The following KCNQ5 variants were observed in gnomAD, a reference collection of about 807,000 sequenced individuals.
KCNQ5 encodes the protein potassium voltage-gated channel subfamily KQT member 5.
KCNQ5 carries 30 observed loss-of-function variants against 98.2 expected under a neutral mutation model. That is an observed-to-expected ratio of 0.31 (90% CI 0.23 to 0.41). The LOEUF (loss-of-function observed/expected upper bound fraction) is 0.41, where lower values mean the gene tolerates loss of function less well. KCNQ5 is among the 10% of genes least tolerant of loss of function. KCNQ5 has a pLI of 1.00. For synonymous variants in KCNQ5, 458 were observed against 449.4 expected, an observed-to-expected ratio of 1.02 and a Z score of -0.24; for missense variants, 835 against 1,182.5, an observed-to-expected ratio of 0.71 and a Z score of 4.31.
intron 2 of KCNQ5, among the ~76,000 whole-genome samples, chr6:73,030,865 A>G (rs1771114143): frequency 1.3e-5 from 2 of 152,278 alleles, no homozygotes; most frequent in South Asian, 4.1e-4. Context: ...TTCACATTCT[A>G]CCAACAAGCA....
At chr6:72,801,746 G>A (rs1366946431) in intron 1 of KCNQ5, among the ~76,000 whole-genome samples, 3 of 151,934 alleles carry the variant, frequency 2.0e-5, no homozygotes, top group Non-Finnish European at 4.4e-5. Flanking sequence ...ATTTGGCATG[G>A]TTTTGCAGTG....
Position 73,077,863 on chromosome 6 carries a change from T to C in KCNQ5, c.894T>C (p.Tyr298=), listed in dbSNP as rs753208275. The change falls in exon 5 of 14, where the codon TAT becomes TAC. Residue 298 remains tyrosine (Y), a synonymous_variant. Coordinates refer to ENST00000370398, the MANE Select transcript of KCNQ5 (RefSeq NM_019842.4). ...EKDANKEFST[Y]ADALWWGTIT... ...ATGCCAATAAAGAGTTTTCTACATATGCAGATGCTCTCTGGTGGGGCACAG... is the reference window on the plus strand; with the variant it reads ...ATGCCAATAAAGAGTTTTCTACATACGCAGATGCTCTCTGGTGGGGCACAG... The C allele has an allele frequency of 1.9e-5, 31 of 1,611,450 alleles. No individual in the cohort carries two copies. In the East Asian group the frequency reaches 2.9e-4, roughly 15 times the overall value.
chr6:72,897,174 C>A (rs577482168), intron 1 of KCNQ5, among the ~76,000 whole-genome samples: 2 of 151,808 alleles, frequency 1.3e-5, no homozygotes, highest in African/African-American at 4.8e-5. Flanking sequence ...CTTTGGGGCC[C>A]AGGATAATGG....
At chr6:72,898,891 T>C (rs1779364346) in intron 1 of KCNQ5, among the ~76,000 whole-genome samples, 1 of 152,200 alleles carries the variant, frequency 6.6e-6, no homozygotes, top group African/African-American at 2.4e-5. Flanking sequence ...AGATGGTATC[T>C]CATGTGGTTG....
At chr6:72,825,511 C>T (rs1005610346) in intron 1 of KCNQ5, among the ~76,000 whole-genome samples, 4 of 152,180 alleles carry the variant, frequency 2.6e-5, no homozygotes, top group African/African-American at 9.6e-5. Context: ...GGAACAGGAA[C>T]AGTTAGCTGG....
At chr6:72,840,704 C>T (rs1012408103) in intron 1 of KCNQ5, among the ~76,000 whole-genome samples, 3 of 152,178 alleles carry the variant, frequency 2.0e-5, no homozygotes, top group Non-Finnish European at 2.9e-5. Context: ...CAAATGGAAA[C>T]TCCTATACTG....
chr6:72,655,833 T>C (rs1766164160), intron 1 of KCNQ5, among the ~76,000 whole-genome samples: 1 of 152,148 alleles, frequency 6.6e-6, no homozygotes, highest in Admixed American at 6.6e-5. Context: ...TAGTATATTC[T>C]GGAATGAAGA....
chr6:72,779,821 C>CTGTGTGTGTGTGTGTG (rs35526812), intron 1 of KCNQ5, among the ~76,000 whole-genome samples: 2 of 124,834 alleles, frequency 1.6e-5, no homozygotes, highest in East Asian at 2.6e-4. Flanking sequence ...ATTTAATTTT[C>CTGTGTGTGTGTGTGTG]TGTGTGTGTG....
Position 73,195,250 on chromosome 6 carries a change from G to A in KCNQ5, c.2635G>A (p.Glu879Lys), listed in dbSNP as rs764121324. Residue 879 changes from glutamate to lysine, a missense_variant, in exon 14 of 14, where the codon GAA becomes AAA. Coordinates refer to ENST00000370398, the MANE Select transcript of KCNQ5 (RefSeq NM_019842.4). ...LFITDEEVGP[E>K]ETETDTFDAA... ...TATAACTGATGAAGAGGTGGGTCCC[G>A]AAGAGACAGAGACAGACACTTTTGA... is the stretch of plus-strand genomic sequence containing the variant. 38 of 1,614,036 alleles carry A rather than the reference G, an allele frequency of 2.4e-5. No individual in the cohort carries two copies. The highest frequency in any genetic ancestry group is 9.9e-5 in the South Asian group (9 of 91,082).
intron 3 of KCNQ5, among the ~76,000 whole-genome samples, chr6:73,047,025 G>A (rs1222780363): frequency 6.6e-6 from 1 of 152,178 alleles, no homozygotes; most frequent in Non-Finnish European, 1.5e-5. Flanking sequence ...AACTTAAAAA[G>A]ATGATAGGTG....
chr6:72,799,569 A>G (rs146120232), intron 1 of KCNQ5, among the ~76,000 whole-genome samples: 2 of 152,318 alleles, frequency 1.3e-5, no homozygotes, highest in African/African-American at 2.4e-5. Context: ...CTTAGGTTGT[A>G]TACCATTTCA....
intron 1 of KCNQ5, among the ~76,000 whole-genome samples, chr6:72,800,162 G>T (rs1774565396): frequency 6.6e-6 from 1 of 152,076 alleles, no homozygotes; most frequent in Non-Finnish European, 1.5e-5. Context: ...CAAAGGTAAT[G>T]CCACACACTT....
At position 72,672,737 on chromosome 6, in the gene KCNQ5, A is replaced by G. The variant is rs562140643; in HGVS notation, c.398+50150A>G. 4.6e-5 allele frequency among the ~76,000 whole-genome samples: 7 copies of G among 152,294 alleles called. No individual in the cohort carries two copies. In the South Asian group the frequency reaches 1.4e-3, roughly 32 times the overall value. ...TGCCCAAGAAAGGACTTTGTAAAGT[A>G]TTGATTTCACTCATTATTTCATTAC... On this transcript the variant is annotated intron_variant, in intron 1 of 13. Transcript: ENST00000370398.
chr6:73,194,902 C>A lies in KCNQ5; in HGVS notation c.2287C>A (p.Pro763Thr), dbSNP rs767585595. The change falls in exon 14 of 14, where the codon CCA (proline) becomes ACA (threonine). Residue 763 changes from proline (P) to threonine (T), a missense_variant. Pro to Thr is a conservative substitution (Grantham distance 38). Transcript: ENST00000370398. Reference protein sequence around the residue: ...PLPAIKHLPRPETLHPNPAGL... With the variant: ...PLPAIKHLPRTETLHPNPAGL... ...CCCAGCCATCAAGCATCTGCCCAGG[C>A]CAGAAACTCTGCACCCTAACCCTGC... 5.6e-6 allele frequency: 9 copies of A among 1,614,052 alleles called. No individual in the cohort carries two copies. The highest frequency in any genetic ancestry group is 7.6e-6 in the Non-Finnish European group (9 of 1,180,054).
At chr6:72,728,454 C>T (rs1050755773) in intron 1 of KCNQ5, among the ~76,000 whole-genome samples, 8 of 152,110 alleles carry the variant, frequency 5.3e-5, no homozygotes, top group Admixed American at 2.0e-4. Context: ...TAGTGGAGTA[C>T]TTTGGTCTGT....
intron 1 of KCNQ5, among the ~76,000 whole-genome samples, chr6:72,655,068 C>CTT (rs1766102938): frequency 6.7e-6 from 1 of 148,416 alleles, no homozygotes; most frequent in Admixed American, 6.7e-5. Context: ...TTCTTTCTTT[C>CTT]TTTCTTTCTT....
intron 1 of KCNQ5, among the ~76,000 whole-genome samples, chr6:72,806,271 A>G (rs1284078205): frequency 1.3e-5 from 2 of 152,140 alleles, no homozygotes; most frequent in Non-Finnish European, 2.9e-5. Flanking sequence ...CATTCCAGAC[A>G]ATATTTTTAA....
At chr6:73,017,224 G>A (rs2150335799) in intron 2 of KCNQ5, among the ~76,000 whole-genome samples, 1 of 152,168 alleles carries the variant, frequency 6.6e-6, no homozygotes, top group South Asian at 2.1e-4. Flanking sequence ...ACTGATTCCA[G>A]AAGAAAATAA....
chr6:72,821,412 A>T (rs1775745697), intron 1 of KCNQ5, among the ~76,000 whole-genome samples: 1 of 152,180 alleles, frequency 6.6e-6, no homozygotes, highest in Non-Finnish European at 1.5e-5. Flanking sequence ...CAGCTGCAGC[A>T]TGCATATAAA....
Sources: gnomAD v4.1 joint callset for allele counts (sites outside exome capture counted in the v4.1 genomes callset) on GRCh38, gnomAD v4.1.1 for gene constraint, MANE v1.5 for transcripts, NCBI Gene and HGNC (gene_info 2026-07-23, HGNC 2026-07-21) for gene names.